The following INSL6 variants were observed in gnomAD, a reference collection of about 807,000 sequenced individuals.
INSL6 encodes the protein insulin like 6, also known as insulin-like peptide INSL6.
INSL6 carries 16 observed loss-of-function variants against 9.4 expected under a neutral mutation model. The observed-to-expected ratio is 1.70, with a 90% confidence interval of 1.15 to 2.59. The LOEUF is 2.59. Ranked by LOEUF, INSL6 falls within the 30% of genes most tolerant of loss-of-function variation. The pLI is 0.00. For missense variants in INSL6, 391 were observed against 257.3 expected (o/e 1.52, Z -3.56); for synonymous variants, 154 against 96.9 (o/e 1.59, Z -3.46).
chr9:5,084,287 T>A, the INSL6 span, among the ~76,000 whole-genome samples: 1 of 152,188 alleles, frequency 6.6e-6, no homozygotes, highest in African/African-American at 2.4e-5. Flanking sequence ...ATAATTTTAC[T>A]TTCATCTTTG....
chr9:5,140,678 T>C (rs1824479359), intron 2 of INSL6, among the ~76,000 whole-genome samples: 1 of 151,774 alleles, frequency 6.6e-6, no homozygotes, highest in Non-Finnish European at 1.5e-5. Context: ...GAGCCAGATA[T>C]TAACTTCAAA....
the INSL6 span, chr9:5,111,095 G>A: frequency 8.2e-7 from 1 of 1,224,848 alleles, no homozygotes; most frequent in Admixed American, 2.0e-5. Flanking sequence ...TGGGGCAGCG[G>A]CGACCAGAAC....
chr9:5,033,263 C>T, the INSL6 span, among the ~76,000 whole-genome samples: 2 of 152,194 alleles, frequency 1.3e-5, no homozygotes, highest in East Asian at 1.9e-4. Flanking sequence ...ACCAAATCTA[C>T]GTCTCATTGG....
At chr9:5,098,006 T>C in the INSL6 span, 1 of 152,204 alleles carries the variant, frequency 6.6e-6, no homozygotes, top group African/African-American at 2.4e-5. Flanking sequence ...ATACACCGCA[T>C]GAAATATTAT....
At chr9:5,031,113 G>A in the INSL6 span, among the ~76,000 whole-genome samples, 1 of 152,124 alleles carries the variant, frequency 6.6e-6, no homozygotes, top group Admixed American at 6.5e-5. Flanking sequence ...TTGGAATGGG[G>A]AGATGGAATA....
At chr9:5,127,378 T>C (rs1051255373) in intron 3 of INSL6, 4 of 231,986 alleles carry the variant, frequency 1.7e-5, no homozygotes, top group African/African-American at 8.8e-5. Context: ...AGCAGGTGTA[T>C]ACTTTTAGCT....
chr9:5,003,762 A>G, the INSL6 span, among the ~76,000 whole-genome samples: 1 of 152,086 alleles, frequency 6.6e-6, no homozygotes, highest in East Asian at 1.9e-4. Context: ...TCATGATTTT[A>G]GACATGATTG....
the INSL6 span, among the ~76,000 whole-genome samples, chr9:5,057,580 CTTTTTTT>C: frequency 2.6e-5 from 3 of 116,798 alleles, no homozygotes; most frequent in Non-Finnish European, 3.5e-5. Context: ...ATTCTACTTT[CTTTTTTT>C]TTTTTTTTTT....
intron 2 of INSL6, among the ~76,000 whole-genome samples, chr9:5,135,027 G>A (rs1368453134): frequency 6.6e-6 from 1 of 152,112 alleles, no homozygotes; most frequent in African/African-American, 2.4e-5. Context: ...AAAAGCAGGG[G>A]TTGCAATCCT....
At chr9:5,080,185 A>G in the INSL6 span, 123 of 1,407,966 alleles carry the variant, frequency 8.7e-5, no homozygotes, top group South Asian at 1.5e-3. Context: ...AGATTGGTTT[A>G]CTTGTGAATT....
intron 2 of INSL6, among the ~76,000 whole-genome samples, chr9:5,143,807 C>A (rs749392891): frequency 4.0e-5 from 6 of 151,446 alleles, no homozygotes; most frequent in Non-Finnish European, 8.8e-5. Flanking sequence ...TTACAGGCAC[C>A]CACCCCCACA....
At chr9:5,066,759 TAATA>T in the INSL6 span, 2 of 1,563,824 alleles carry the variant, frequency 1.3e-6, no homozygotes, top group Non-Finnish European at 1.7e-6. Context: ...CTAAGGACTT[TAATA>T]AATATTTTTT....
intron 2 of INSL6, among the ~76,000 whole-genome samples, chr9:5,136,856 G>T (rs961194317): frequency 6.6e-6 from 1 of 152,196 alleles, no homozygotes; most frequent in African/African-American, 2.4e-5. Context: ...TGACATGATT[G>T]TATATTTGGA....
the INSL6 span, chr9:5,085,556 T>C: frequency 1.7e-5 from 12 of 695,084 alleles, no homozygotes; most frequent in African/African-American, 2.1e-4. Context: ...AAAATAGATA[T>C]AACAGCTGTA....
chr9:5,151,563 T>C (rs1236490147), intron 2 of INSL6, among the ~76,000 whole-genome samples: 2 of 152,144 alleles, frequency 1.3e-5, no homozygotes, highest in African/African-American at 4.8e-5. Flanking sequence ...TTAAACTGCC[T>C]GTGAAGTGAG....
the INSL6 span, among the ~76,000 whole-genome samples, chr9:5,087,736 C>A: frequency 6.6e-6 from 1 of 152,174 alleles, no homozygotes; most frequent in Non-Finnish European, 1.5e-5. Context: ...CACTGCCAGA[C>A]AGCTTCTAAT....
the INSL6 span, among the ~76,000 whole-genome samples, chr9:5,033,967 C>G: frequency 6.6e-6 from 1 of 152,082 alleles, no homozygotes; most frequent in African/African-American, 2.4e-5. Context: ...AGAGTCAAGA[C>G]CCATCAGTGT....
At chr9:5,067,505 AT>A in the INSL6 span, among the ~76,000 whole-genome samples, 1 of 152,082 alleles carries the variant, frequency 6.6e-6, no homozygotes, top group African/African-American at 2.4e-5. Flanking sequence ...TGCAACTTAT[AT>A]TTGGCATATG....
At chr9:5,128,640 TAAAG>T (rs1824156159) in intron 3 of INSL6, among the ~76,000 whole-genome samples, 2 of 151,978 alleles carry the variant, frequency 1.3e-5, no homozygotes, top group Non-Finnish European at 2.9e-5. Flanking sequence ...TAGTTTTATA[TAAAG>T]AATCCCACAT....
Sources: gnomAD v4.1 joint callset for allele counts (sites outside exome capture counted in the v4.1 genomes callset) on GRCh38, gnomAD v4.1.1 for gene constraint, MANE v1.5 for transcripts, NCBI Gene and HGNC (gene_info 2026-07-23, HGNC 2026-07-21) for gene names.